The following NCAPG2 variants were observed in gnomAD, a reference collection of about 807,000 sequenced individuals.
NCAPG2 encodes condensin-2 complex subunit G2.
Under a neutral mutation model 141.1 loss-of-function variants are expected in NCAPG2, and 53 were observed. The observed-to-expected ratio is 0.38, with a 90% CI of 0.30 to 0.47. The LOEUF is 0.47. Ranked by LOEUF, NCAPG2 falls within the 20% of genes least tolerant of loss-of-function variation. The pLI is 0.99. For synonymous variants in NCAPG2, 499 were observed against 490.7 expected (o/e 1.02, Z -0.22); for missense variants, 1,087 against 1,389.0 (o/e 0.78, Z 3.46).
chr7:158,657,667 T>C (rs193231754), intron 17 of NCAPG2, among the ~76,000 whole-genome samples: 74 of 152,220 alleles, frequency 4.9e-4, no homozygotes, highest in African/African-American at 1.7e-3. Flanking sequence ...AACAGCTCAT[T>C]GAGAACAAGC....
At chr7:158,700,084 T>C (rs1198433211) in intron 2 of NCAPG2, among the ~76,000 whole-genome samples, 1 of 152,196 alleles carries the variant, frequency 6.6e-6, no homozygotes, top group Non-Finnish European at 1.5e-5. Context: ...AATTGAACTA[T>C]GGGAAACCAT....
chr7:158,652,117 G>T (rs1214687827), intron 23 of NCAPG2, among the ~76,000 whole-genome samples, 176 bp downstream of exon 23: 1 of 152,102 alleles, frequency 6.6e-6, no homozygotes, highest in East Asian at 1.9e-4. Context: ...ATCCACCATG[G>T]GGGACTCCCA....
At position 158,690,608 on chromosome 7, in the gene NCAPG2, G is replaced by A; in HGVS notation, c.497C>T (p.Ala166Val). The change falls in exon 5 of 28, where the codon GCC (alanine) becomes GTC (valine). Residue 166 changes from alanine (A) to valine (V), a missense_variant. By Grantham distance (64) the Ala-to-Val change is moderately conservative. Coordinates refer to ENST00000356309, the MANE Select transcript of NCAPG2 (RefSeq NM_017760.7). The part of the protein sequence containing the change: ...LPAKEDTGKT[A>V]FVMLLRRSLE... The stretch of plus-strand genomic sequence containing the variant: ...ACTCCTCCTTAGTAACATGACAAAG[G>A]CTGTCTTTCCTGTGTCTTCCTTGGC... The A allele has an allele frequency of 6.2e-7, 1 of 1,614,142 alleles. No homozygotes were observed. Among genetic ancestry groups the A allele is most frequent in the Non-Finnish European group, 8.5e-7 (1 of 1,180,008 alleles).
At chr7:158,683,850 T>C (rs766198215) in intron 8 of NCAPG2, among the ~76,000 whole-genome samples, 3 of 152,238 alleles carry the variant, frequency 2.0e-5, no homozygotes, top group African/African-American at 4.8e-5. Context: ...AGGGCCACTG[T>C]TGACAAGGGC....
intron 24 of NCAPG2, among the ~76,000 whole-genome samples, chr7:158,648,926 GCCAAATGGACTATAA>G (rs1831272569): frequency 2.6e-5 from 4 of 152,182 alleles, no homozygotes; most frequent in African/African-American, 9.7e-5. Context: ...CTATAACCAC[GCCAAATGGACTATAA>G]CCACGGCAAA....
At chr7:158,703,964 T>A (rs1472596678) in intron 1 of NCAPG2, among the ~76,000 whole-genome samples, 1 of 151,874 alleles carries the variant, frequency 6.6e-6, no homozygotes, top group Admixed American at 6.6e-5. Flanking sequence ...GAGGGGACTC[T>A]CTCTGAGGGC....
In NCAPG2 at chr7:158,654,629, T is replaced by C. The variant is rs752571821; in HGVS notation, c.2712A>G (p.Gln904=). 6.2e-6 allele frequency: 10 copies of C among 1,613,818 alleles called. No individual in the cohort carries two copies. The highest frequency in any genetic ancestry group is 7.6e-6 in the Non-Finnish European group (9 of 1,179,978). ...VGLGDHQFQM[Q]LLQRSLGIMQ... is the part of the protein sequence containing the mutation. ...TGATTCCAAGACTCCGCTGTAAGAG[T>C]TGCATCTGAAACTGATGGTCACCAA... Residue 904 remains glutamine (Q), a synonymous_variant, in exon 22 of 28, where the codon CAA becomes CAG. Transcript: ENST00000356309.
intron 13 of NCAPG2, chr7:158,665,536 C>T (rs1277794593): frequency 6.6e-6 from 1 of 152,220 alleles, no homozygotes; most frequent in Non-Finnish European, 1.5e-5. Flanking sequence ...TTCTCAAGAA[C>T]CTTGCTCCAA....
chr7:158,671,455 G>A, intron 13 of NCAPG2, 59 bp downstream of exon 13: 1 of 1,588,186 alleles, frequency 6.3e-7, no homozygotes, highest in Non-Finnish European at 8.6e-7. Flanking sequence ...CTTTCTTTCT[G>A]TTTGATGAAC....
At position 158,656,542 on chromosome 7, in the gene NCAPG2, G is replaced by A; in HGVS notation, c.2214+10C>T. 6.2e-7 allele frequency: 1 copy of A among 1,613,636 alleles called. No homozygotes were observed. Among genetic ancestry groups the A allele is most frequent in the Non-Finnish European group, 8.5e-7 (1 of 1,179,754 alleles). On this transcript the variant is annotated intron_variant, in intron 18 of 27. Coordinates refer to ENST00000356309, the MANE Select transcript of NCAPG2 (RefSeq NM_017760.7). ...TCACCTAATTTTAAGGAAACATGAT[G>A]TCAACCTACCTTGGCCTGGGCATGC... is the stretch of plus-strand genomic sequence containing the variant.
chr7:158,686,497 G>A (rs1420526827), intron 7 of NCAPG2, among the ~76,000 whole-genome samples: 1 of 152,178 alleles, frequency 6.6e-6, no homozygotes, highest in African/African-American at 2.4e-5. Flanking sequence ...ACTATTTTCT[G>A]TGAAACTATG....
chr7:158,684,416 A>C (rs2129468110), intron 8 of NCAPG2, among the ~76,000 whole-genome samples: 1 of 152,370 alleles, frequency 6.6e-6, no homozygotes, highest in Admixed American at 6.5e-5. Context: ...CCATGTGGGC[A>C]ACTTGTTGAG....
At chr7:158,674,572 G>C (rs1366425060) in intron 12 of NCAPG2, among the ~76,000 whole-genome samples, 1 of 152,210 alleles carries the variant, frequency 6.6e-6, no homozygotes, top group East Asian at 1.9e-4. Flanking sequence ...TTACAGGTGT[G>C]AGCCACTGCA....
rs775920354 is a variant in NCAPG2 at position 158,664,679 on chromosome 7, G to A, written c.1551C>T (p.Arg517=). Residue 517 remains arginine, a synonymous_variant, in exon 14 of 28, where the codon CGC becomes CGT. Transcript: ENST00000356309. Reference sequence around the variant, plus strand: ...AAGAATTAAAGATGAGGCTCACCAGGCGCCGAGACACAGGTCGAGAATCAG... The same window carrying A: ...AAGAATTAAAGATGAGGCTCACCAGACGCCGAGACACAGGTCGAGAATCAG... ...LETDSRPVSR[R]LVSLIFNSFL... 1.9e-6 allele frequency: 3 copies of A among 1,614,108 alleles called. No individual in the cohort carries two copies. The highest frequency in any genetic ancestry group is 1.7e-5 in the Admixed American group (1 of 59,996).
At chr7:158,643,758 G>A (rs923798238) in intron 27 of NCAPG2, among the ~76,000 whole-genome samples, 3 of 152,174 alleles carry the variant, frequency 2.0e-5, no homozygotes, top group African/African-American at 4.8e-5. Flanking sequence ...ATTCAAAACC[G>A]AGTCTATAGT....
intron 22 of NCAPG2, among the ~76,000 whole-genome samples, chr7:158,653,973 G>A (rs1831709013): frequency 6.6e-6 from 1 of 152,160 alleles, no homozygotes. Context: ...CTAGGGGCTA[G>A]GCGTCAGGGG....
At chr7:158,686,147 T>G (rs73732810) in intron 8 of NCAPG2, 25 bp downstream of exon 8, 1 of 1,392,916 alleles carries the variant, frequency 7.2e-7, no homozygotes, top group African/African-American at 1.5e-5. Context: ...AAAATAAGTG[T>G]TAACATTTAA....
chr7:158,666,307 A>G (rs1832929370), intron 13 of NCAPG2, among the ~76,000 whole-genome samples: 1 of 152,108 alleles, frequency 6.6e-6, no homozygotes. Context: ...TCCAGCCCCA[A>G]CGGGTGGTTA....
chr7:158,685,456 G>T (rs903338578), intron 8 of NCAPG2, among the ~76,000 whole-genome samples: 7 of 152,186 alleles, frequency 4.6e-5, no homozygotes, highest in Non-Finnish European at 1.0e-4. Context: ...ATCCATGGGG[G>T]ATCAGTTCTA....
Sources: gnomAD v4.1 joint callset for allele counts (sites outside exome capture counted in the v4.1 genomes callset) on GRCh38, gnomAD v4.1.1 for gene constraint, MANE v1.5 for transcripts, NCBI Gene and HGNC (gene_info 2026-07-23, HGNC 2026-07-21) for gene names.